Variants in TPTE observed in about 807,000 individuals in gnomAD.
TPTE encodes transmembrane phosphatase with tensin homology.
In TPTE, 59 loss-of-function variants were observed where a neutral mutation model predicts 84.1. The observed-to-expected ratio is 0.70, with a 90% CI of 0.57 to 0.87. The LOEUF (loss-of-function observed/expected upper bound fraction) is 0.87, where lower values mean the gene tolerates loss of function less well. Among genes scored for constraint, TPTE ranks in the 40% least tolerant of loss-of-function variants. The probability of loss-of-function intolerance (pLI) is 0.00; values close to 1 mark genes in which losing one functional copy is unlikely to be tolerated. For synonymous variants in TPTE, 130 were observed against 223.5 expected (o/e 0.58, Z 3.73); for missense variants, 382 against 659.6 (o/e 0.58, Z 4.61).
At chr21:10,556,202 C>G (rs2074680440) in intron 8 of TPTE, among the ~76,000 whole-genome samples, 1 of 152,312 alleles carries the variant, frequency 6.6e-6, no homozygotes, top group East Asian at 1.9e-4. Flanking sequence ...ATCCCCCCAC[C>G]CCATGACAGG....
chr21:10,539,053 A>C (rs1353078247), intron 4 of TPTE, among the ~76,000 whole-genome samples: 1 of 152,312 alleles, frequency 6.6e-6, no homozygotes, highest in East Asian at 1.9e-4. Context: ...AGTGATATAA[A>C]AAGGAGCAGG....
chr21:10,538,602 T>G (rs1359560989), intron 3 of TPTE, 79 bp from the exon 4 acceptor site: 1 of 1,600,484 alleles, frequency 6.2e-7, no homozygotes, highest in East Asian at 2.2e-5. Context: ...ATGTGCAGAT[T>G]AATGAAAGCT....
At position 10,569,476 on chromosome 21, in the gene TPTE, G is replaced by T. The variant is rs78225807; in HGVS notation, c.606G>T (p.Leu202=). Residue 202 remains leucine, a synonymous_variant, in exon 12 of 24, where the codon CTG becomes CTT. Coordinates refer to ENST00000618007, the MANE Select transcript of TPTE (RefSeq NM_199261.4). ...TTCGACTTCTACGACTTATTATTCTGTTAAGAATTTTTCATCTGTTTCATC... is the reference window on the plus strand; with the variant it reads ...TTCGACTTCTACGACTTATTATTCTTTTAAGAATTTTTCATCTGTTTCATC... The part of the protein sequence containing the change: ...HLLRLLRLII[L]LRIFHLFHQK... The T allele has an allele frequency of 5.3e-3, 8,178 of 1,532,734 alleles. No individual in the cohort carries two copies. The highest frequency in any genetic ancestry group is 0.048 in the African/African-American group (3,034 of 63,336). 94.9% of individuals were successfully genotyped at this position (1,532,734 alleles called of 1,614,324 possible).
chr21:10,543,484 C>A, intron 7 of TPTE, 102 bp downstream of exon 7: 1 of 1,594,490 alleles, frequency 6.3e-7, no homozygotes, highest in Non-Finnish European at 8.6e-7. Flanking sequence ...TTCATCCATA[C>A]ACACTTTTGT....
intron 1 of TPTE, among the ~76,000 whole-genome samples, chr21:10,522,160 A>T (rs1405228852): frequency 3.3e-5 from 5 of 152,192 alleles, no homozygotes; most frequent in Non-Finnish European, 5.9e-5. Flanking sequence ...CCCCAGGATG[A>T]CCTGAGTTCC....
chr21:10,543,267 C>T, intron 6 of TPTE, 62 bp from the exon 7 acceptor site: 2 of 1,543,736 alleles, frequency 1.3e-6, no homozygotes, highest in Non-Finnish European at 1.7e-6. Flanking sequence ...CTCCTGACCT[C>T]ATGATCCACC....
At chr21:10,533,109 C>T (rs4041797) in intron 3 of TPTE, among the ~76,000 whole-genome samples, 3 of 152,300 alleles carry the variant, frequency 2.0e-5, no homozygotes, top group African/African-American at 7.2e-5. Context: ...CTGTTTTTAT[C>T]CTCCATAACA....
intron 8 of TPTE, among the ~76,000 whole-genome samples, chr21:10,553,654 T>C (rs866906596): frequency 2.0e-3 from 304 of 152,250 alleles, no homozygotes; most frequent in African/African-American, 7.0e-3. Context: ...TACATAGATA[T>C]AGGAGGAATT....
intron 21 of TPTE, among the ~76,000 whole-genome samples, chr21:10,601,034 G>A (rs1247431215): frequency 6.6e-6 from 1 of 152,310 alleles, no homozygotes; most frequent in African/African-American, 2.4e-5. Context: ...AAAAAACCGT[G>A]ATAAGTTATG....
intron 21 of TPTE, among the ~76,000 whole-genome samples, chr21:10,600,362 C>G (rs2075666367): frequency 1.3e-5 from 2 of 152,304 alleles, no homozygotes; most frequent in South Asian, 4.1e-4. Flanking sequence ...TGGTCTCAAA[C>G]TCTTGACCTC....
intron 10 of TPTE, 117 bp from the exon 11 acceptor site, chr21:10,567,553 A>G: frequency 6.6e-7 from 1 of 1,522,552 alleles, no homozygotes; most frequent in Non-Finnish European, 8.8e-7. Flanking sequence ...ATACATTTTA[A>G]ATAATTCATG....
chr21:10,566,141 G>A (rs1483417680), intron 10 of TPTE, among the ~76,000 whole-genome samples: 3 of 152,422 alleles, frequency 2.0e-5, no homozygotes, highest in South Asian at 2.1e-4. Context: ...GAATATGTAA[G>A]GAGCTCAAAC....
chr21:10,592,671 C>A (rs566056550), intron 19 of TPTE, among the ~76,000 whole-genome samples: 2 of 152,306 alleles, frequency 1.3e-5, no homozygotes, highest in Admixed American at 1.3e-4. Flanking sequence ...ACCCAAGGCT[C>A]CAGGACTCTG....
chr21:10,571,372 G>C (rs1462239891), intron 14 of TPTE, among the ~76,000 whole-genome samples: 2 of 152,308 alleles, frequency 1.3e-5, no homozygotes, highest in Non-Finnish European at 2.9e-5. Context: ...GTATTTCTCT[G>C]TGAAAGCTCC....
At chr21:10,524,079 T>C (rs986780223) in intron 1 of TPTE, among the ~76,000 whole-genome samples, 2 of 152,310 alleles carry the variant, frequency 1.3e-5, no homozygotes, top group African/African-American at 4.8e-5. Flanking sequence ...AGCGCTAGGA[T>C]TCTGTTTGGG....
chr21:10,586,764 G>A (rs1437314111), intron 17 of TPTE, among the ~76,000 whole-genome samples: 1 of 152,310 alleles, frequency 6.6e-6, no homozygotes, highest in Non-Finnish European at 1.5e-5. Flanking sequence ...TGTTGAGCCT[G>A]CATCTAGAAA....
At chr21:10,562,105 G>GA (rs1394006814) in intron 10 of TPTE, among the ~76,000 whole-genome samples, 1 of 152,312 alleles carries the variant, frequency 6.6e-6, no homozygotes, top group Non-Finnish European at 1.5e-5. Flanking sequence ...TGGTAATGCA[G>GA]AGAATTATCC....
intron 3 of TPTE, among the ~76,000 whole-genome samples, chr21:10,531,991 A>G (rs868767251): frequency 4.6e-5 from 7 of 152,308 alleles, no homozygotes; most frequent in African/African-American, 7.2e-5. Context: ...TCTGAGCTCA[A>G]TATTTTGGTC....
At chr21:10,530,564 T>A (rs150032377) in intron 3 of TPTE, among the ~76,000 whole-genome samples, 232 of 152,366 alleles carry the variant, frequency 1.5e-3, no homozygotes, top group African/African-American at 5.5e-3. Flanking sequence ...ATGCATCCCC[T>A]AGTGAGGAAC....
Sources: gnomAD v4.1 joint callset for allele counts (sites outside exome capture counted in the v4.1 genomes callset) on GRCh38, gnomAD v4.1.1 for gene constraint, MANE v1.5 for transcripts, NCBI Gene and HGNC (gene_info 2026-07-23, HGNC 2026-07-21) for gene names.